The following MNS1 variants were observed in gnomAD, a reference collection of about 807,000 sequenced individuals.
MNS1 encodes meiosis-specific nuclear structural protein 1.
MNS1 carries 63 observed loss-of-function variants against 72.0 expected under a neutral mutation model. That is an observed-to-expected ratio of 0.87 (90% CI 0.71 to 1.08). The LOEUF is 1.08. Ranked by LOEUF, MNS1 falls within the 50% of genes least tolerant of loss-of-function variation. MNS1 has a pLI of 0.00. For synonymous variants in MNS1, 188 were observed against 172.1 expected (o/e 1.09, Z -0.72); for missense variants, 604 against 562.4 (o/e 1.07, Z -0.75).
chr15:56,452,650 C>G (rs968736507), intron 3 of MNS1, among the ~76,000 whole-genome samples: 1 of 151,884 alleles, frequency 6.6e-6, no homozygotes, highest in Admixed American at 6.6e-5. Context: ...TCCCAAGTAG[C>G]TGGGACTACA....
chr15:56,460,014 A>ATC (rs1172252290), intron 2 of MNS1, among the ~76,000 whole-genome samples: 1 of 29,684 alleles, frequency 3.4e-5, no homozygotes, highest in Non-Finnish European at 8.0e-5. Context: ...AAAAAAATAC[A>ATC]TATATATATA....
intron 8 of MNS1, 48 bp from the exon 9 acceptor site, chr15:56,431,546 T>C (rs779660789): frequency 1.3e-6 from 2 of 1,599,062 alleles, no homozygotes; most frequent in South Asian, 1.1e-5. Flanking sequence ...ATTAATCTTA[T>C]ACGAAGTTTT....
At chr15:56,430,663 A>C (rs2050564363) in intron 9 of MNS1, among the ~76,000 whole-genome samples, 1 of 152,180 alleles carries the variant, frequency 6.6e-6, no homozygotes, top group South Asian at 2.1e-4. Context: ...TACTGGTGTT[A>C]CCAGTGACAA....
chr15:56,437,541 T>A (rs113358310), intron 7 of MNS1, among the ~76,000 whole-genome samples: 30 of 152,274 alleles, frequency 2.0e-4, no homozygotes, highest in Non-Finnish European at 4.1e-4. Flanking sequence ...AAGCATTCCC[T>A]TTGAAAACTG....
Position 56,429,093 on chromosome 15 carries a change from T to C in MNS1, c.*8A>G. The C allele has an allele frequency of 6.4e-7, 1 of 1,558,762 alleles. No individual in the cohort carries two copies. Among genetic ancestry groups the C allele is most frequent in the Non-Finnish European group, 8.7e-7 (1 of 1,144,560 alleles). ...AAAAAATCTATGCTTTACCCAATTT[T>C]GATGATATCATTTCTCTTCACAAAT... On this transcript the variant is annotated 3_prime_UTR_variant, in exon 10 of 10. Coordinates refer to ENST00000260453, the MANE Select transcript of MNS1 (RefSeq NM_018365.4).
At chr15:56,450,490 A>G (rs1169129542) in intron 3 of MNS1, among the ~76,000 whole-genome samples, 1 of 152,218 alleles carries the variant, frequency 6.6e-6, no homozygotes, top group South Asian at 2.1e-4. Flanking sequence ...GATAGTTCAC[A>G]AAAGTGGAAT....
intron 7 of MNS1, among the ~76,000 whole-genome samples, chr15:56,439,230 G>T (rs992488983): frequency 6.6e-6 from 1 of 152,130 alleles, no homozygotes; most frequent in East Asian, 1.9e-4. Context: ...TACAGGATTT[G>T]TATGCTGAAA....
At chr15:56,447,179 T>C (rs930319141) in intron 3 of MNS1, 1 of 358,164 alleles carries the variant, frequency 2.8e-6, no homozygotes, top group Non-Finnish European at 5.1e-6. Flanking sequence ...TGTTTGCTTA[T>C]CCTGTGTCAA....
At chr15:56,429,251 T>C in intron 9 of MNS1, 58 bp from the exon 10 acceptor site, 1 of 1,098,724 alleles carries the variant, frequency 9.1e-7, no homozygotes, top group Non-Finnish European at 1.3e-6. Flanking sequence ...CACTAAATGC[T>C]TTTAAGACTG....
At chr15:56,445,545 C>G (rs2050892729) in intron 4 of MNS1, 1 of 151,894 alleles carries the variant, frequency 6.6e-6, no homozygotes, top group Non-Finnish European at 1.5e-5. Context: ...ATGACTTGAC[C>G]AAAAATGTTT....
rs142738487 is a variant in MNS1 at position 56,443,753 on chromosome 15, A to G, written c.788T>C (p.Met263Thr). 3.3e-5 allele frequency: 54 copies of G among 1,612,708 alleles called. No individual in the cohort carries two copies. Among genetic ancestry groups the G allele is most frequent in the Non-Finnish European group, 4.4e-5 (52 of 1,179,620 alleles). ...ALWRKKKREE[M>T]EEENRKIIEF... is the part of the protein sequence containing the mutation. ...TATGATTTTTCTGTTTTCTTCTTCC[A>G]TCTCCTCACGTTTCTTTTTTCTCCA... Residue 263 changes from methionine (M) to threonine (T), a missense_variant, in exon 6 of 10, where the codon ATG becomes ACG. Transcript: ENST00000260453.
At chr15:56,454,868 C>G (rs543454340) in intron 3 of MNS1, among the ~76,000 whole-genome samples, 1 of 152,220 alleles carries the variant, frequency 6.6e-6, no homozygotes, top group South Asian at 2.1e-4. Flanking sequence ...CAGATTATCC[C>G]TTAATCTGTG....
chr15:56,458,785 CTCATT>C (rs147891813), intron 2 of MNS1, among the ~76,000 whole-genome samples: 2,001 of 152,242 alleles, frequency 0.013, 39 homozygotes, highest in African/African-American at 0.039. Context: ...GGCTTCATAG[CTCATT>C]TCATTTTGGC....
chr15:56,460,009 A>AAAAAATATATATATATATATAT lies in MNS1; in HGVS notation c.226-3489_226-3488insATATATATATATATATATTTTT. Among the ~76,000 whole-genome samples the AAAAAATATATATATATATATAT allele has an allele frequency of 1.1e-4, 3 of 26,388 alleles. 1 individual carries two copies. Among genetic ancestry groups the AAAAAATATATATATATATATAT allele is most frequent in the South Asian group, 1.5e-3 (1 of 674 alleles). The allele number at this position is 26,388 out of a possible 152,430, so 17.3% of individuals were successfully genotyped here. Reference sequence around the variant, plus strand: ...CTGTCTCAAAAAAAAAAAAAAAAAAAATACATATATATATATATATATATA... The same window carrying AAAAAATATATATATATATATAT: ...CTGTCTCAAAAAAAAAAAAAAAAAAAAAAAATATATATATATATATATATACATATATATATATATATATATA... On this transcript the variant is annotated intron_variant, in intron 2 of 9. Coordinates refer to ENST00000260453, the MANE Select transcript of MNS1 (RefSeq NM_018365.4).
Position 56,464,261 on chromosome 15 carries a change from A to G in MNS1, c.4-14T>C. The G allele has an allele frequency of 1.3e-6, 2 of 1,532,802 alleles. No homozygotes were observed. Among genetic ancestry groups the G allele is most frequent in the African/African-American group, 3.0e-5 (2 of 67,640 alleles). 95.0% of individuals were successfully genotyped at this position (1,532,802 alleles called of 1,614,324 possible). A position where few individuals can be genotyped will look rare whatever the true frequency, so the allele number is the denominator to read the frequency against. On this transcript the variant is annotated splice_polypyrimidine_tract_variant and intron_variant, in intron 1 of 9. Coordinates refer to ENST00000260453, the MANE Select transcript of MNS1 (RefSeq NM_018365.4). Reference sequence around the variant, plus strand: ...CCTTTTGGAACCCTACGATGGAAGAAAAAAAAAGATGCATATTTTGATATT... The same window carrying G: ...CCTTTTGGAACCCTACGATGGAAGAGAAAAAAAGATGCATATTTTGATATT...
In MNS1 at chr15:56,432,901, C is replaced by T. The variant is rs993309762; in HGVS notation, c.1269+1237G>A. The stretch of plus-strand genomic sequence containing the variant: ...GTCTCACTTAGTCTTCCTCTAAATT[C>T]TTCTCTTCCTACCGATTTTCAAAAC... On this transcript the variant is annotated intron_variant, in intron 8 of 9. Transcript: ENST00000260453. Among the ~76,000 whole-genome samples, 29 of 152,162 alleles carry T rather than the reference C, an allele frequency of 1.9e-4. 1 individual carries two copies. The highest frequency in any genetic ancestry group is 3.9e-4 in the Admixed American group (6 of 15,258).
At chr15:56,452,025 A>G (rs1170397469) in intron 3 of MNS1, among the ~76,000 whole-genome samples, 8 of 152,176 alleles carry the variant, frequency 5.3e-5, no homozygotes, top group Non-Finnish European at 8.8e-5. Flanking sequence ...TATGTTTACT[A>G]TAACTACTAA....
intron 7 of MNS1, among the ~76,000 whole-genome samples, chr15:56,438,728 T>A (rs2050769920): frequency 6.6e-6 from 1 of 151,808 alleles, no homozygotes; most frequent in Non-Finnish European, 1.5e-5. Context: ...TGGGAGAAAA[T>A]TTTTGCAATC....
chr15:56,453,914 A>C (rs1269860492), intron 3 of MNS1, among the ~76,000 whole-genome samples: 1 of 152,150 alleles, frequency 6.6e-6, no homozygotes, highest in East Asian at 1.9e-4. Flanking sequence ...AAAAAAGCTA[A>C]ATCTTAATAT....
Sources: allele counts gnomAD v4.1 joint callset (sites outside exome capture counted in the v4.1 genomes callset), GRCh38; gene constraint gnomAD v4.1.1; transcripts MANE v1.5; gene names NCBI Gene and HGNC (gene_info 2026-07-23, HGNC 2026-07-21).